The following ADGRL3 variants were observed in gnomAD, a reference collection of about 807,000 sequenced individuals.
ADGRL3 encodes calcium-independent alpha-latrotoxin receptor 3.
ADGRL3 carries 62 observed loss-of-function variants against 153.5 expected under a neutral mutation model. The ratio of observed to expected loss-of-function variants is 0.40; its 90% CI spans 0.33 to 0.50. The LOEUF is 0.50. ADGRL3 is among the 20% of genes least tolerant of loss of function. The pLI is 0.47. For missense variants in ADGRL3, 1,641 were observed against 1,859.4 expected (o/e 0.88, Z 2.16); for synonymous variants, 710 against 672.5 (o/e 1.06, Z -0.86).
At chr4:61,975,587 A>G (rs1260640126) in intron 17 of ADGRL3, among the ~76,000 whole-genome samples, 2 of 152,152 alleles carry the variant, frequency 1.3e-5, no homozygotes, top group East Asian at 1.9e-4. Context: ...ATGTCGTGTG[A>G]CTTATATATA....
At chr4:61,207,207 C>T (rs1737703908) in intron 1 of ADGRL3, among the ~76,000 whole-genome samples, 1 of 152,054 alleles carries the variant, frequency 6.6e-6, no homozygotes, top group Admixed American at 6.6e-5. Flanking sequence ...CTAGCCTCCA[C>T]CCTGCAACAG....
intron 8 of ADGRL3, among the ~76,000 whole-genome samples, chr4:61,787,064 G>C (rs2097284902): frequency 6.6e-6 from 1 of 152,122 alleles, no homozygotes. Context: ...ACATTTCTTA[G>C]TTTCCTGGGC....
chr4:61,738,389 C>T (rs981506613), intron 8 of ADGRL3, among the ~76,000 whole-genome samples: 2 of 152,150 alleles, frequency 1.3e-5, no homozygotes, highest in Non-Finnish European at 2.9e-5. Context: ...CATACGTGTG[C>T]AAGTACCTTT....
At chr4:61,629,721 CAA>C (rs59504485) in intron 5 of ADGRL3, among the ~76,000 whole-genome samples, 1 of 33,444 alleles carries the variant, frequency 3.0e-5, no homozygotes, top group Non-Finnish European at 4.9e-5. Context: ...CGTCTCGGGG[CAA>C]AAAAAAAAAA....
At chr4:62,064,510 C>T (rs1251710051) in intron 25 of ADGRL3, among the ~76,000 whole-genome samples, 1 of 151,928 alleles carries the variant, frequency 6.6e-6, no homozygotes, top group African/African-American at 2.4e-5. Context: ...TATAAAAGTC[C>T]TAGTCAGTGA....
chr4:61,499,192 C>T (rs1373918653), intron 3 of ADGRL3, among the ~76,000 whole-genome samples: 1 of 152,108 alleles, frequency 6.6e-6, no homozygotes, highest in African/African-American at 2.4e-5. Flanking sequence ...AAAATAACTT[C>T]CTTTGACGTT....
chr4:61,743,349 A>G (rs2096608023), intron 8 of ADGRL3, among the ~76,000 whole-genome samples: 1 of 151,182 alleles, frequency 6.6e-6, no homozygotes, highest in Non-Finnish European at 1.5e-5. Context: ...AAAAAAAAGA[A>G]AAGAGAAAAC....
intron 2 of ADGRL3, among the ~76,000 whole-genome samples, chr4:61,403,565 T>C (rs901968702): frequency 6.6e-6 from 1 of 152,040 alleles, no homozygotes; most frequent in Non-Finnish European, 1.5e-5. Flanking sequence ...CACCTGGTTG[T>C]TTGTCAGTTG....
At chr4:61,677,145 T>C in intron 6 of ADGRL3, 1 of 494,844 alleles carries the variant, frequency 2.0e-6, no homozygotes, top group South Asian at 2.7e-5. Context: ...TTGTGATTAT[T>C]TCTGTATATG....
intron 2 of ADGRL3, among the ~76,000 whole-genome samples, chr4:61,476,039 C>A (rs1224117090): frequency 3.9e-5 from 6 of 152,122 alleles, no homozygotes; most frequent in Admixed American, 3.9e-4. Context: ...TGAGTTTGAT[C>A]ATATGACTCC....
At chr4:61,900,071 G>C (rs1196809777) in intron 11 of ADGRL3, among the ~76,000 whole-genome samples, 3 of 152,278 alleles carry the variant, frequency 2.0e-5, no homozygotes, top group African/African-American at 7.2e-5. Context: ...GCACTGACTT[G>C]AGGATCTTGA....
rs576246233 is a variant in ADGRL3 at position 61,716,828 on chromosome 4, C to T, written c.584-13794C>T. ...CGTGTTTTGAAAAAGAACAAAAAGC[C>T]CATTGTCATAGCATTGCAGCACACC... On this transcript the variant is annotated intron_variant, in intron 6 of 26. Coordinates refer to ENST00000683033, the MANE Select transcript of ADGRL3 (RefSeq NM_001387552.1). 2.0e-5 allele frequency among the ~76,000 whole-genome samples: 3 copies of T among 152,148 alleles called. No homozygotes were observed. In the East Asian group the frequency reaches 5.8e-4, roughly 29 times the overall value.
At chr4:61,331,160 A>G (rs1560482589) in intron 1 of ADGRL3, among the ~76,000 whole-genome samples, 1 of 152,176 alleles carries the variant, frequency 6.6e-6, no homozygotes, top group African/African-American at 2.4e-5. Context: ...GAGGATAGAA[A>G]GAGAACAAAC....
chr4:61,593,919 C>G (rs1201783387), intron 5 of ADGRL3, among the ~76,000 whole-genome samples: 1 of 152,042 alleles, frequency 6.6e-6, no homozygotes, highest in Non-Finnish European at 1.5e-5. Context: ...TCTCTCCCTC[C>G]TCTTTAAAGA....
intron 21 of ADGRL3, among the ~76,000 whole-genome samples, chr4:62,021,473 T>C (rs2099238012): frequency 1.3e-5 from 2 of 152,128 alleles, no homozygotes; most frequent in African/African-American, 4.8e-5. Flanking sequence ...GGAATGATAT[T>C]ATTATTTTAT....
intron 8 of ADGRL3, among the ~76,000 whole-genome samples, chr4:61,796,607 C>T (rs1314360342): frequency 6.6e-6 from 1 of 152,098 alleles, no homozygotes; most frequent in Non-Finnish European, 1.5e-5. Flanking sequence ...GATGCCTGTT[C>T]TAATAATAAC....
intron 8 of ADGRL3, among the ~76,000 whole-genome samples, chr4:61,749,004 A>C (rs1264164687): frequency 6.6e-6 from 1 of 151,756 alleles, no homozygotes; most frequent in Non-Finnish European, 1.5e-5. Context: ...GAACTCAAAC[A>C]AATTTACAAG....
chr4:61,256,609 A>T (rs2091995409), intron 1 of ADGRL3, among the ~76,000 whole-genome samples: 1 of 152,058 alleles, frequency 6.6e-6, no homozygotes, highest in African/African-American at 2.4e-5. Flanking sequence ...GTGAAGAAGT[A>T]TTGTGAGTGA....
At chr4:61,411,579 C>T (rs953364363) in intron 2 of ADGRL3, among the ~76,000 whole-genome samples, 5 of 152,118 alleles carry the variant, frequency 3.3e-5, no homozygotes, top group Admixed American at 3.3e-4. Context: ...CTGTATTCAG[C>T]TTCCAGGTTT....
Sources: allele counts gnomAD v4.1 joint callset (sites outside exome capture counted in the v4.1 genomes callset), GRCh38; gene constraint gnomAD v4.1.1; transcripts MANE v1.5; gene names NCBI Gene and HGNC (gene_info 2026-07-23, HGNC 2026-07-21).